The following CFDP1 variants were observed in gnomAD, a reference collection of about 807,000 sequenced individuals.
The protein encoded by CFDP1 is chromatin remodeling protein CFDP1.
In CFDP1, 31 loss-of-function variants were observed where a neutral mutation model predicts 40.1. The observed-to-expected ratio is 0.77, with a 90% CI of 0.58 to 1.04. The LOEUF is 1.04. Ranked by LOEUF, CFDP1 falls within the 50% of genes least tolerant of loss-of-function variation. The pLI, the probability that CFDP1 is intolerant of heterozygous loss-of-function variation, is 0.00. For synonymous variants in CFDP1, 167 were observed against 120.0 expected, an observed-to-expected ratio of 1.39 and a Z score of -2.56; for missense variants, 423 against 343.4, an observed-to-expected ratio of 1.23 and a Z score of -1.83.
In CFDP1 at chr16:75,393,893, A is replaced by G. The variant is rs187553537; in HGVS notation, c.650+1197T>C. Reference sequence around the variant, plus strand: ...GCTAACACAGTGAAACCTCGTCTCTACTAAAAATACAAAAGATTAGACGGG... The same window carrying G: ...GCTAACACAGTGAAACCTCGTCTCTGCTAAAAATACAAAAGATTAGACGGG... On this transcript the variant is annotated intron_variant, in intron 5 of 6. Coordinates refer to ENST00000283882, the MANE Select transcript of CFDP1 (RefSeq NM_006324.3). Among the ~76,000 whole-genome samples, 102 of 151,956 alleles carry G rather than the reference A, an allele frequency of 6.7e-4. 1 individual carries two copies. Among genetic ancestry groups the G allele is most frequent in the African/African-American group, 2.5e-3 (102 of 41,398 alleles).
At chr16:75,405,924 A>AAAAAAAG (rs2079095167) in intron 4 of CFDP1, among the ~76,000 whole-genome samples, 1 of 151,470 alleles carries the variant, frequency 6.6e-6, no homozygotes, top group South Asian at 2.1e-4. Context: ...GTCTCCAAAA[A>AAAAAAAG]AAAAAAGAAA....
At chr16:75,335,251 T>C (rs575539494) in intron 5 of CFDP1, among the ~76,000 whole-genome samples, 3 of 152,334 alleles carry the variant, frequency 2.0e-5, no homozygotes, top group East Asian at 1.9e-4. Flanking sequence ...GAATATGACA[T>C]AGTAACTTGT....
intron 1 of CFDP1, among the ~76,000 whole-genome samples, chr16:75,432,954 G>T (rs990850169): frequency 6.6e-6 from 1 of 152,186 alleles, no homozygotes; most frequent in Non-Finnish European, 1.5e-5. Flanking sequence ...TCCAAGGCTC[G>T]GACTGCCGCC....
intron 5 of CFDP1, among the ~76,000 whole-genome samples, chr16:75,366,220 A>G (rs2078712588): frequency 1.3e-5 from 2 of 152,236 alleles, no homozygotes; most frequent in Admixed American, 6.5e-5. Flanking sequence ...TGAATTATTG[A>G]TATATACTAC....
chr16:75,427,254 T>C lies in CFDP1; in HGVS notation c.64+6035A>G, dbSNP rs191196440. ...ACTAAAGGAGAAATTAGCTAATTTT[T>C]TTTCTTTTTTTTTCGAGACAGTGTC... On this transcript the variant is annotated intron_variant, in intron 1 of 6. Transcript: ENST00000283882. Among the ~76,000 whole-genome samples, 348 of 152,116 alleles carry C rather than the reference T, an allele frequency of 2.3e-3. 1 individual carries two copies. Among genetic ancestry groups the C allele is most frequent in the Non-Finnish European group, 4.2e-3 (283 of 67,998 alleles).
At chr16:75,360,083 G>T (rs1215686752) in intron 5 of CFDP1, among the ~76,000 whole-genome samples, 1 of 152,068 alleles carries the variant, frequency 6.6e-6, no homozygotes, top group African/African-American at 2.4e-5. Context: ...GTAGAGAAGG[G>T]GGTCTCACTA....
intron 1 of CFDP1, among the ~76,000 whole-genome samples, chr16:75,415,856 C>CTTTA (rs1256822736): frequency 2.0e-5 from 3 of 152,126 alleles, no homozygotes; most frequent in African/African-American, 7.2e-5. Flanking sequence ...ATCCAATCAG[C>CTTTA]TTTATTTATT....
At chr16:75,395,328 C>T (rs868675573) in intron 4 of CFDP1, 119 bp from the exon 5 acceptor site, 1 of 1,050,964 alleles carries the variant, frequency 9.5e-7, no homozygotes, top group Non-Finnish European at 1.4e-6. Context: ...ATTCTGGACG[C>T]TCAGCATTAT....
intron 6 of CFDP1, 105 bp from the exon 7 acceptor site, chr16:75,294,147 G>A (rs1199149963): frequency 1.0e-5 from 8 of 801,442 alleles, no homozygotes; most frequent in South Asian, 1.5e-5. Flanking sequence ...AAATGGTGCC[G>A]AGAGTGACCA....
intron 4 of CFDP1, among the ~76,000 whole-genome samples, chr16:75,404,075 T>A (rs1166186810): frequency 6.6e-6 from 1 of 151,302 alleles, no homozygotes; most frequent in East Asian, 2.0e-4. Context: ...GAGGTTGCAG[T>A]GAGCTGAGAT....
intron 5 of CFDP1, among the ~76,000 whole-genome samples, chr16:75,349,513 A>G (rs2078593334): frequency 6.7e-6 from 1 of 148,970 alleles, no homozygotes; most frequent in South Asian, 2.2e-4. Flanking sequence ...TGTCTCAAAA[A>G]AAGAAAAAAA....
At chr16:75,408,443 A>G (rs920406472) in intron 4 of CFDP1, among the ~76,000 whole-genome samples, 18 of 152,234 alleles carry the variant, frequency 1.2e-4, no homozygotes, top group Admixed American at 3.9e-4. Flanking sequence ...GATTAAGAAG[A>G]AAGAAACAAG....
intron 5 of CFDP1, among the ~76,000 whole-genome samples, chr16:75,328,735 G>A (rs961627362): frequency 6.6e-6 from 1 of 150,480 alleles, no homozygotes; most frequent in Non-Finnish European, 1.5e-5. Flanking sequence ...CTGGAGTACA[G>A]TGGTGTGATC....
At position 75,377,841 on chromosome 16, in the gene CFDP1, G is replaced by C. The variant is rs114806465; in HGVS notation, c.650+17249C>G. On this transcript the variant is annotated intron_variant, in intron 5 of 6. Coordinates refer to ENST00000283882, the MANE Select transcript of CFDP1 (RefSeq NM_006324.3). ...CCCCAAACTGCTTTAGCAATAAATAGAATTTCATGCTGAGTGGCAGACTGT... is the reference window on the plus strand; with the variant it reads ...CCCCAAACTGCTTTAGCAATAAATACAATTTCATGCTGAGTGGCAGACTGT... 5.3e-3 allele frequency among the ~76,000 whole-genome samples: 810 copies of C among 152,298 alleles called. 8 individuals are homozygous for C. The highest frequency in any genetic ancestry group is 0.019 in the African/African-American group (786 of 41,562).
At chr16:75,431,079 CAAG>C (rs1334626035) in intron 1 of CFDP1, among the ~76,000 whole-genome samples, 1 of 151,918 alleles carries the variant, frequency 6.6e-6, no homozygotes, top group Non-Finnish European at 1.5e-5. Context: ...CCAGAGAAAA[CAAG>C]AAGTGCAGGA....
intron 5 of CFDP1, among the ~76,000 whole-genome samples, chr16:75,312,691 T>A (rs1318899571): frequency 6.6e-6 from 1 of 152,170 alleles, no homozygotes; most frequent in Admixed American, 6.6e-5. Context: ...TTCCATGTGT[T>A]GTTGAGCAGA....
At chr16:75,427,125 C>T (rs60544814) in intron 1 of CFDP1, among the ~76,000 whole-genome samples, 32,578 of 151,472 alleles carry the variant, frequency 0.22, 3,891 homozygotes, top group African/African-American at 0.32. Flanking sequence ...TGAAAACAAC[C>T]CAATGTTTTA....
chr16:75,421,042 C>T (rs1392712090), intron 1 of CFDP1, among the ~76,000 whole-genome samples: 2 of 152,166 alleles, frequency 1.3e-5, no homozygotes, highest in Non-Finnish European at 2.9e-5. Context: ...AATAATGAGA[C>T]AGCCATGTGG....
intron 5 of CFDP1, among the ~76,000 whole-genome samples, chr16:75,342,429 A>G (rs887843071): frequency 1.3e-5 from 2 of 152,214 alleles, no homozygotes; most frequent in African/African-American, 2.4e-5. Flanking sequence ...TAGCTTTGGC[A>G]AAGTAGATTG....
Sources: allele counts gnomAD v4.1 joint callset (sites outside exome capture counted in the v4.1 genomes callset), GRCh38; gene constraint gnomAD v4.1.1; transcripts MANE v1.5; gene names NCBI Gene and HGNC (gene_info 2026-07-23, HGNC 2026-07-21).